The following TCF4 variants were observed in gnomAD, a reference collection of about 807,000 sequenced individuals.
The protein encoded by TCF4 is SL3-3 enhancer factor 2.
Under a neutral mutation model 82.1 loss-of-function variants are expected in TCF4, and 3 were observed. That is an observed-to-expected ratio of 0.04 (90% CI 0.02 to 0.09). TCF4 has a LOEUF of 0.09. Ranked by LOEUF, TCF4 falls within the 10% of genes least tolerant of loss-of-function variation. The pLI is 1.00. For missense variants in TCF4, 518 were observed against 852.7 expected (o/e 0.61, Z 4.89); for synonymous variants, 276 against 309.6 (o/e 0.89, Z 1.14).
chr18:55,487,039 T>A (rs1355408797), intron 3 of TCF4, among the ~76,000 whole-genome samples: 1 of 152,184 alleles, frequency 6.6e-6, no homozygotes, highest in Non-Finnish European at 1.5e-5. Context: ...TGGCTCCCTA[T>A]TGCTTTGGGT....
At chr18:55,581,990 A>T (rs900870259) in intron 3 of TCF4, among the ~76,000 whole-genome samples, 1 of 152,160 alleles carries the variant, frequency 6.6e-6, no homozygotes, top group Non-Finnish European at 1.5e-5. Flanking sequence ...TACATGTAAC[A>T]GATGTGACCA....
rs71167299 is a variant in TCF4 at position 55,513,369 on chromosome 18, C to CT, written c.146-49233dup. Among the ~76,000 whole-genome samples the CT allele has an allele frequency of 0.034, 4,832 of 142,048 alleles. 502 individuals carry two copies. In the East Asian group the frequency reaches 0.39, roughly 11 times the overall value. The allele number at this position is 142,048 out of a possible 152,430, so 93.2% of individuals were successfully genotyped here. A position where few individuals can be genotyped will look rare whatever the true frequency, so the allele number is the denominator to read the frequency against. ...ATGTCTTATCATTCCTAGCCCTCAG[C>CT]TTTTTTTTTTTTTTTTACATCAATA... On this transcript the variant is annotated intron_variant, in intron 3 of 19. Coordinates refer to ENST00000354452, the MANE Select transcript of TCF4 (RefSeq NM_001083962.2).
chr18:55,615,034 AC>A (rs2097710501), intron 2 of TCF4, among the ~76,000 whole-genome samples: 1 of 151,992 alleles, frequency 6.6e-6, no homozygotes, highest in South Asian at 2.1e-4. Context: ...CTATTTTTGG[AC>A]CCCCAACTCT....
intron 3 of TCF4, among the ~76,000 whole-genome samples, chr18:55,567,667 C>T (rs1018328758): frequency 2.6e-5 from 4 of 151,806 alleles, no homozygotes; most frequent in Admixed American, 2.6e-4. Flanking sequence ...GAGCCGAGAT[C>T]GCGCCACTGC....
At chr18:55,278,162 A>G (rs921647668) in intron 9 of TCF4, among the ~76,000 whole-genome samples, 13 of 152,288 alleles carry the variant, frequency 8.5e-5, no homozygotes, top group African/African-American at 2.9e-4. Context: ...GGGAAGGAAG[A>G]TTAGTATCTT....
intron 3 of TCF4, among the ~76,000 whole-genome samples, chr18:55,536,058 A>G (rs1364075037): frequency 6.6e-6 from 1 of 152,170 alleles, no homozygotes; most frequent in Non-Finnish European, 1.5e-5. Flanking sequence ...ACTAGCCTGG[A>G]CCCAATATAA....
intron 5 of TCF4, among the ~76,000 whole-genome samples, chr18:55,411,900 C>T (rs966564249): frequency 1.3e-5 from 2 of 152,084 alleles, no homozygotes; most frequent in East Asian, 1.9e-4. Flanking sequence ...GCCACCACAT[C>T]CGACTAATTT....
At chr18:55,230,148 CAAAAAA>C (rs398041379) in intron 17 of TCF4, 4 of 103,288 alleles carry the variant, frequency 3.9e-5, no homozygotes, top group Admixed American at 1.2e-4. Context: ...CTGTCTCTTA[CAAAAAA>C]AAAAAAAAAA....
chr18:55,316,935 C>G (rs1187107834), intron 8 of TCF4, among the ~76,000 whole-genome samples: 1 of 151,996 alleles, frequency 6.6e-6, no homozygotes, highest in Non-Finnish European at 1.5e-5. Flanking sequence ...AAAGATGTAA[C>G]TGATCCATAT....
chr18:55,467,903 G>T (rs973288673), intron 3 of TCF4, among the ~76,000 whole-genome samples: 1 of 152,142 alleles, frequency 6.6e-6, no homozygotes, highest in African/African-American at 2.4e-5. Flanking sequence ...TAGTATTCTG[G>T]TTTTATATAT....
intron 8 of TCF4, among the ~76,000 whole-genome samples, chr18:55,297,433 G>A (rs2146818239): frequency 6.7e-6 from 1 of 149,418 alleles, no homozygotes; most frequent in Admixed American, 6.6e-5. Flanking sequence ...TGCAATGTAT[G>A]AATAACAAGA....
At chr18:55,435,850 C>G (rs556183466) in intron 5 of TCF4, among the ~76,000 whole-genome samples, 108 of 152,320 alleles carry the variant, frequency 7.1e-4, no homozygotes, top group Non-Finnish European at 1.2e-3. Context: ...CCACAGGACC[C>G]TATATTTCTC....
rs537760648 is a variant in TCF4, at chr18:55,262,452, A to G, written c.923-919T>C. Among the ~76,000 whole-genome samples, 5 of 152,366 alleles carry G rather than the reference A, an allele frequency of 3.3e-5. No individual in the cohort carries two copies. In the South Asian group the frequency reaches 8.3e-4, roughly 25 times the overall value. On this transcript the variant is annotated intron_variant, in intron 11 of 19. Transcript: ENST00000354452. The stretch of plus-strand genomic sequence containing the variant: ...TACTAAAGCCTCAACATTAGCAAAT[A>G]GACATAGTATCTAAATAAAACCTAT...
intron 10 of TCF4, among the ~76,000 whole-genome samples, chr18:55,274,758 C>T (rs983826702): frequency 6.6e-6 from 1 of 152,162 alleles, no homozygotes; most frequent in Admixed American, 6.6e-5. Context: ...ACAAGGGATT[C>T]AAGTTTCATC....
chr18:55,533,364 G>A, intron 3 of TCF4, among the ~76,000 whole-genome samples: 1 of 152,134 alleles, frequency 6.6e-6, no homozygotes, highest in East Asian at 1.9e-4. Context: ...ACCTGAAAAT[G>A]CAAGATCAAT....
At chr18:55,288,521 C>T (rs770357583) in intron 8 of TCF4, among the ~76,000 whole-genome samples, 2 of 152,140 alleles carry the variant, frequency 1.3e-5, no homozygotes, top group African/African-American at 4.8e-5. Flanking sequence ...GTACTACAAC[C>T]GTATCTCCTG....
In TCF4 at chr18:55,257,222, G is replaced by C; in HGVS notation, c.1146+93C>G. ...TAATGCTGACTTAAAGTTACTAACA[G>C]GGAAAATCAAAATCTTGGAGAGTAA... On this transcript the variant is annotated intron_variant, in intron 14 of 19. Transcript: ENST00000354452. The C allele has an allele frequency of 4.5e-6, 6 of 1,336,526 alleles. No homozygotes were observed. The Admixed American group carries it at 1.0e-4, about 23-fold the overall frequency. 82.8% of individuals were successfully genotyped at this position (1,336,526 alleles called of 1,614,324 possible). A position where few individuals can be genotyped will look rare whatever the true frequency, so the allele number is the denominator to read the frequency against.
At chr18:55,500,820 C>T (rs1191641243) in intron 3 of TCF4, among the ~76,000 whole-genome samples, 2 of 152,300 alleles carry the variant, frequency 1.3e-5, no homozygotes, top group Non-Finnish European at 2.9e-5. Flanking sequence ...CCCCCATATG[C>T]CACTGGCTTC....
intron 8 of TCF4, among the ~76,000 whole-genome samples, chr18:55,298,735 C>A (rs879341265): frequency 2.6e-5 from 4 of 152,104 alleles, no homozygotes; most frequent in Non-Finnish European, 5.9e-5. Context: ...TGAATTCAAA[C>A]GTATCTCTGA....
Sources: allele counts gnomAD v4.1 joint callset (sites outside exome capture counted in the v4.1 genomes callset), GRCh38; gene constraint gnomAD v4.1.1; transcripts MANE v1.5; gene names NCBI Gene and HGNC (gene_info 2026-07-23, HGNC 2026-07-21).